Variants in ZFHX3 observed in about 807,000 individuals in gnomAD.
ZFHX3 encodes zinc finger homeobox 3.
In ZFHX3, 42 loss-of-function variants were observed where a neutral mutation model predicts 279.1. The observed-to-expected ratio is 0.15, with a 90% confidence interval of 0.12 to 0.19. ZFHX3 has a LOEUF of 0.19. Among genes scored for constraint, ZFHX3 ranks in the 10% least tolerant of loss-of-function variants. ZFHX3 has a pLI of 1.00. For missense variants in ZFHX3, 4,981 were observed against 4,754.0 expected (o/e 1.05, Z -1.40); for synonymous variants, 2,293 against 1,957.8 (o/e 1.17, Z -4.52).
At chr16:72,851,844 C>G (rs2037626655) in intron 4 of ZFHX3, among the ~76,000 whole-genome samples, 1 of 152,206 alleles carries the variant, frequency 6.6e-6, no homozygotes, top group Non-Finnish European at 1.5e-5. Flanking sequence ...AGCCACCGCA[C>G]CTGGCCTCAA....
At chr16:73,507,485 C>CTTTTTTTTTTTTTT (rs752001880) in intron 2 of ZFHX3, among the ~76,000 whole-genome samples, 9 of 79,790 alleles carry the variant, frequency 1.1e-4, no homozygotes, top group East Asian at 5.8e-4. Context: ...AGCTCTGCCA[C>CTTTTTTTTTTTTTT]TTTTTTTTTT....
At chr16:73,417,197 G>GA (rs1434192178) in intron 3 of ZFHX3, among the ~76,000 whole-genome samples, 2 of 151,936 alleles carry the variant, frequency 1.3e-5, no homozygotes, top group African/African-American at 4.9e-5. Context: ...GTCCAGGTGT[G>GA]AAAAACAAGG....
intron 1 of ZFHX3, among the ~76,000 whole-genome samples, chr16:73,876,633 G>A (rs986611703): frequency 1.3e-5 from 2 of 152,156 alleles, no homozygotes; most frequent in Non-Finnish European, 2.9e-5. Flanking sequence ...TATAGAAATA[G>A]TTCCTTTAAT....
intron 5 of ZFHX3, among the ~76,000 whole-genome samples, chr16:72,824,797 A>G (rs1193414277): frequency 6.6e-6 from 1 of 152,244 alleles, no homozygotes; most frequent in Non-Finnish European, 1.5e-5. Flanking sequence ...CACTGCATTA[A>G]TCATTGCTCA....
At chr16:73,331,706 C>G (rs545345927) in intron 3 of ZFHX3, among the ~76,000 whole-genome samples, 3 of 152,262 alleles carry the variant, frequency 2.0e-5, no homozygotes, top group Non-Finnish European at 4.4e-5. Flanking sequence ...CACATTTGTA[C>G]GCCAGTTCTG....
At chr16:73,677,192 T>C (rs1263748693) in intron 2 of ZFHX3, among the ~76,000 whole-genome samples, 1 of 150,718 alleles carries the variant, frequency 6.6e-6, no homozygotes, top group Non-Finnish European at 1.5e-5. Context: ...ATCACAGGTA[T>C]ATTTTAGGAG....
chr16:73,650,343 A>G (rs1338207303), intron 2 of ZFHX3, among the ~76,000 whole-genome samples: 1 of 149,486 alleles, frequency 6.7e-6, no homozygotes, highest in African/African-American at 2.4e-5. Context: ...GCATTTTCCA[A>G]AAAAAAAAAA....
At chr16:73,607,050 G>T (rs1247292831) in intron 2 of ZFHX3, among the ~76,000 whole-genome samples, 1 of 151,864 alleles carries the variant, frequency 6.6e-6, no homozygotes, top group Non-Finnish European at 1.5e-5. Context: ...TTTTTTTTGA[G>T]ATAGAATTTT....
At chr16:73,127,429 A>G in intron 7 of ZFHX3, 1 of 1,305,416 alleles carries the variant, frequency 7.7e-7, no homozygotes, top group South Asian at 1.2e-5. Context: ...TAGCTGGAGC[A>G]TCTCTGTTCC....
intron 1 of ZFHX3, among the ~76,000 whole-genome samples, chr16:73,870,957 A>T (rs985960669): frequency 6.6e-6 from 1 of 152,172 alleles, no homozygotes; most frequent in Non-Finnish European, 1.5e-5. Context: ...CATTGACTCA[A>T]CAATTCACAA....
intron 3 of ZFHX3, among the ~76,000 whole-genome samples, chr16:73,393,905 TATATATGA>T (rs1249661731): frequency 6.8e-6 from 1 of 147,998 alleles, no homozygotes; most frequent in Non-Finnish European, 1.5e-5. Flanking sequence ...ATATATGTGA[TATATATGA>T]ATATATGATA....
chr16:73,740,149 T>C lies in ZFHX3; in HGVS notation c.-1607-59909A>G, dbSNP rs537546143. Among the ~76,000 whole-genome samples, 6 of 152,254 alleles carry C rather than the reference T, an allele frequency of 3.9e-5. No individual in the cohort carries two copies. The East Asian group carries it at 1.2e-3, about 29-fold the overall frequency. On this transcript the variant is annotated intron_variant, in intron 1 of 17. Transcript: ENST00000641206. ...CAACCCCCAGGTATTATATTTCAAATGCAAATAACTTTGGTAATGTAATAT... is the reference window on the plus strand; with the variant it reads ...CAACCCCCAGGTATTATATTTCAAACGCAAATAACTTTGGTAATGTAATAT...
intron 2 of ZFHX3, among the ~76,000 whole-genome samples, chr16:73,587,423 CAA>C (rs1232528853): frequency 6.6e-6 from 1 of 152,162 alleles, no homozygotes; most frequent in African/African-American, 2.4e-5. Context: ...GAAGCTGCAC[CAA>C]ACATGACCAA....
chr16:72,903,517 T>C (rs542350448), intron 3 of ZFHX3, among the ~76,000 whole-genome samples: 9 of 152,128 alleles, frequency 5.9e-5, no homozygotes, highest in Non-Finnish European at 1.2e-4. Context: ...GGATCGGAAA[T>C]AGTCCAGATG....
chr16:73,602,811 G>A (rs1266523880), intron 2 of ZFHX3, among the ~76,000 whole-genome samples: 1 of 149,894 alleles, frequency 6.7e-6, no homozygotes, highest in Non-Finnish European at 1.5e-5. Context: ...GCCGGTCGTG[G>A]TAGCGGGCAC....
At chr16:73,110,060 G>A in intron 7 of ZFHX3, among the ~76,000 whole-genome samples, 1 of 151,818 alleles carries the variant, frequency 6.6e-6, no homozygotes, top group East Asian at 1.9e-4. Flanking sequence ...CTCACATGGT[G>A]AAACCCCATC....
intron 3 of ZFHX3, among the ~76,000 whole-genome samples, chr16:73,350,617 T>C (rs891620263): frequency 4.6e-5 from 7 of 152,200 alleles, no homozygotes; most frequent in Non-Finnish European, 1.0e-4. Context: ...GTTGGCCCTA[T>C]GTGGGATTTC....
intron 3 of ZFHX3, among the ~76,000 whole-genome samples, chr16:73,320,052 A>C (rs2015544223): frequency 6.6e-6 from 1 of 152,194 alleles, no homozygotes; most frequent in African/African-American, 2.4e-5. Flanking sequence ...ATCCAGTACA[A>C]ATGAGGGAGA....
chr16:73,198,939 TG>T (rs1344494651), intron 5 of ZFHX3, among the ~76,000 whole-genome samples: 1 of 152,210 alleles, frequency 6.6e-6, no homozygotes, highest in Non-Finnish European at 1.5e-5. Context: ...ACAATGACAT[TG>T]GATGTCATTT....
Sources: allele counts gnomAD v4.1 joint callset (sites outside exome capture counted in the v4.1 genomes callset), GRCh38; gene constraint gnomAD v4.1.1; transcripts MANE v1.5; gene names NCBI Gene and HGNC (gene_info 2026-07-23, HGNC 2026-07-21).